The following NCKAP5 variants were observed in gnomAD, a reference collection of about 807,000 sequenced individuals.
NCKAP5 encodes the protein NCK associated protein 5.
NCKAP5 carries 92 observed loss-of-function variants against 167.0 expected under a neutral mutation model. The ratio of observed to expected loss-of-function variants is 0.55; its 90% CI spans 0.47 to 0.66. The LOEUF (loss-of-function observed/expected upper bound fraction) is 0.66. Ranked by LOEUF, NCKAP5 falls within the 30% of genes least tolerant of loss-of-function variation. The pLI is 0.00. For missense variants in NCKAP5, 2,378 were observed against 2,315.0 expected (o/e 1.03, Z -0.56); for synonymous variants, 891 against 877.4 (o/e 1.02, Z -0.27).
chr2:132,687,755 A>ACACACACCCC, intron 19 of NCKAP5, among the ~76,000 whole-genome samples: 1 of 142,312 alleles, frequency 7.0e-6, no homozygotes, highest in African/African-American at 2.6e-5. Flanking sequence ...ACACACACAC[A>ACACACACCCC]CCCTTCCTCT....
chr2:133,359,501 C>T (rs1684956592), intron 3 of NCKAP5, among the ~76,000 whole-genome samples: 1 of 152,114 alleles, frequency 6.6e-6, no homozygotes, highest in African/African-American at 2.4e-5. Context: ...ATCAAGAATC[C>T]ATTTTTTTGC....
At chr2:132,757,353 G>C (rs558571884) in intron 16 of NCKAP5, among the ~76,000 whole-genome samples, 5 of 152,304 alleles carry the variant, frequency 3.3e-5, no homozygotes, top group African/African-American at 1.2e-4. Context: ...TTTAGAAGCA[G>C]TAAGCCTTGG....
chr2:132,781,855 C>T, intron 14 of NCKAP5, 85 bp downstream of exon 14: 1 of 1,289,438 alleles, frequency 7.8e-7, no homozygotes, highest in Admixed American at 2.4e-5. Context: ...GCTTGACTGG[C>T]CTTTAATGCA....
intron 6 of NCKAP5, among the ~76,000 whole-genome samples, chr2:133,109,277 C>T (rs2081829364): frequency 1.3e-5 from 2 of 152,296 alleles, no homozygotes; most frequent in South Asian, 4.1e-4. Context: ...GTGATGCGTG[C>T]TGCAGAATAT....
At chr2:132,885,018 G>A (rs1053972285) in intron 8 of NCKAP5, among the ~76,000 whole-genome samples, 7 of 152,142 alleles carry the variant, frequency 4.6e-5, no homozygotes, top group African/African-American at 1.7e-4. Context: ...CACATTTATG[G>A]TTACTGTGTT....
chr2:133,055,472 GTA>G (rs5834343), intron 6 of NCKAP5, among the ~76,000 whole-genome samples: 55,961 of 147,768 alleles, frequency 0.38, 11,922 homozygotes, highest in Non-Finnish European at 0.48. Flanking sequence ...TAGATAAACT[GTA>G]TATATATATA....
intron 8 of NCKAP5, among the ~76,000 whole-genome samples, chr2:132,904,878 G>GA (rs1171647504): frequency 3.3e-5 from 5 of 152,120 alleles, no homozygotes; most frequent in Non-Finnish European, 7.4e-5. Context: ...AATGAGGATA[G>GA]AAAAAATCTA....
chr2:132,701,103 A>AGTT (rs1382069200), intron 19 of NCKAP5, among the ~76,000 whole-genome samples: 2 of 151,492 alleles, frequency 1.3e-5, no homozygotes, highest in Non-Finnish European at 2.9e-5. Context: ...ATATATACAT[A>AGTT]GTTGGGATAT....
chr2:132,787,497 C>T (rs1280904551), intron 13 of NCKAP5, among the ~76,000 whole-genome samples: 1 of 152,188 alleles, frequency 6.6e-6, no homozygotes, highest in Admixed American at 6.5e-5. Flanking sequence ...AAAAACATGT[C>T]AGAAACTTCC....
At chr2:133,012,434 G>T (rs1183151703) in intron 6 of NCKAP5, among the ~76,000 whole-genome samples, 1 of 152,012 alleles carries the variant, frequency 6.6e-6, no homozygotes, top group Non-Finnish European at 1.5e-5. Flanking sequence ...TTTTTAGTAG[G>T]GACGGGGGTT....
chr2:133,051,536 G>A (rs527820907), intron 6 of NCKAP5, among the ~76,000 whole-genome samples: 61 of 152,234 alleles, frequency 4.0e-4, no homozygotes, highest in African/African-American at 1.1e-3. Context: ...TGGGTACCAC[G>A]GAAGGCAGGC....
Position 132,773,903 on chromosome 2 carries a change from A to T in NCKAP5, c.5050-9T>A. 1 of 1,606,704 alleles carries T rather than the reference A, an allele frequency of 6.2e-7. No homozygotes were observed. Among genetic ancestry groups the T allele is most frequent in the Non-Finnish European group, 8.5e-7 (1 of 1,176,798 alleles). Reference sequence around the variant, plus strand: ...TCATTTGCCTCTTTTACCTGCAGGAAGAAGAAAATGATGCAAGTTCTTATT... The same window carrying T: ...TCATTTGCCTCTTTTACCTGCAGGATGAAGAAAATGATGCAAGTTCTTATT... On this transcript the variant is annotated splice_polypyrimidine_tract_variant and intron_variant, in intron 15 of 19. Coordinates refer to ENST00000409261, the MANE Select transcript of NCKAP5 (RefSeq NM_207363.3).
chr2:133,484,689 A>C (rs1680749119), intron 3 of NCKAP5, among the ~76,000 whole-genome samples: 2 of 152,352 alleles, frequency 1.3e-5, no homozygotes, highest in Non-Finnish European at 2.9e-5. Context: ...GCACAAAATT[A>C]TTTAAAATAC....
At chr2:133,343,548 G>A (rs1189576333) in intron 3 of NCKAP5, among the ~76,000 whole-genome samples, 1 of 152,052 alleles carries the variant, frequency 6.6e-6, no homozygotes, top group African/African-American at 2.4e-5. Context: ...TATTTTTTAT[G>A]TCTAAAACTG....
intron 4 of NCKAP5, chr2:133,268,325 A>G (rs1254588498): frequency 2.0e-5 from 3 of 152,216 alleles, no homozygotes; most frequent in Non-Finnish European, 4.4e-5. Context: ...ACACTCTATG[A>G]ATACTGATGG....
chr2:133,263,866 T>C (rs745399573), intron 4 of NCKAP5, among the ~76,000 whole-genome samples: 14 of 152,184 alleles, frequency 9.2e-5, no homozygotes, highest in Non-Finnish European at 1.3e-4. Flanking sequence ...AGAAAATTGC[T>C]TCATTTCTCA....
chr2:133,096,785 C>G (rs1422632564), intron 6 of NCKAP5, among the ~76,000 whole-genome samples: 2 of 152,142 alleles, frequency 1.3e-5, no homozygotes, highest in Non-Finnish European at 2.9e-5. Context: ...TTCAAAGGTA[C>G]TAGTCGCTAA....
intron 6 of NCKAP5, among the ~76,000 whole-genome samples, chr2:133,017,686 T>G (rs1457239422): frequency 6.6e-6 from 1 of 152,226 alleles, no homozygotes; most frequent in African/African-American, 2.4e-5. Flanking sequence ...CAAATCCTCA[T>G]GCATGCCTTG....
At chr2:133,317,025 G>C (rs551687373) in intron 3 of NCKAP5, among the ~76,000 whole-genome samples, 1 of 152,114 alleles carries the variant, frequency 6.6e-6, no homozygotes, top group African/African-American at 2.4e-5. Context: ...ATACTAAGGA[G>C]ACCATAGGCA....
Sources: allele counts gnomAD v4.1 joint callset (sites outside exome capture counted in the v4.1 genomes callset), GRCh38; gene constraint gnomAD v4.1.1; transcripts MANE v1.5; gene names NCBI Gene and HGNC (gene_info 2026-07-23, HGNC 2026-07-21).